ARHGAP20: variants seen among roughly 807,000 people sequenced by gnomAD.
The protein encoded by ARHGAP20 is rho GTPase-activating protein 20.
A neutral mutation model predicts 73.7 loss-of-function variants in ARHGAP20; 34 were observed. That is an observed-to-expected ratio of 0.46 (90% confidence interval 0.35 to 0.61). ARHGAP20 has a LOEUF of 0.61. Ranked by LOEUF, ARHGAP20 falls within the 20% of genes least tolerant of loss-of-function variation. ARHGAP20 has a pLI of 0.00. For synonymous variants in ARHGAP20, 523 were observed against 518.2 expected (o/e 1.01, Z -0.13); for missense variants, 1,314 against 1,420.9 (o/e 0.92, Z 1.21).
intron 2 of ARHGAP20, among the ~76,000 whole-genome samples, chr11:110,634,289 G>A (rs4938148): frequency 0.16 from 23,877 of 152,082 alleles, 2,318 homozygotes; most frequent in East Asian, 0.31. Flanking sequence ...TGTTTTTTTA[G>A]CAGCTGAACA....
rs143937766 is a variant in ARHGAP20, at chr11:110,579,733, T to A, written c.3213A>T (p.Leu1071Phe). The A allele has an allele frequency of 1.5e-4, 246 of 1,614,064 alleles. No individual in the cohort carries two copies. In the African/African-American group the frequency reaches 2.6e-3, roughly 17 times the overall value. Residue 1071 changes from leucine to phenylalanine, a missense_variant, in exon 15 of 15, where the codon TTA becomes TTT. Transcript: ENST00000683387. ...EEKIASPKGP[L>F]EPPPHASGVP... ...CACCAGAAGCATGTGGGGGTGGCTCTAAGGGTCCTTTTGGAGAAGCTATTT... is the reference window on the plus strand; with the variant it reads ...CACCAGAAGCATGTGGGGGTGGCTCAAAGGGTCCTTTTGGAGAAGCTATTT...
intron 2 of ARHGAP20, among the ~76,000 whole-genome samples, chr11:110,658,305 A>G (rs1949518797): frequency 6.6e-6 from 1 of 152,134 alleles, no homozygotes. Flanking sequence ...GTAGCACTAC[A>G]CATCCTCTGC....
At chr11:110,599,282 C>T (rs1565430929) in intron 9 of ARHGAP20, among the ~76,000 whole-genome samples, 2 of 152,246 alleles carry the variant, frequency 1.3e-5, no homozygotes, top group Non-Finnish European at 2.9e-5. Flanking sequence ...GCTGTCGGCA[C>T]CTGCTCTGAT....
At chr11:110,611,741 C>T (rs1413469388) in intron 6 of ARHGAP20, among the ~76,000 whole-genome samples, 1 of 152,108 alleles carries the variant, frequency 6.6e-6, no homozygotes. Flanking sequence ...AATTGTATTT[C>T]CATAAGGCAA....
chr11:110,698,018 T>C (rs35313126), intron 1 of ARHGAP20, among the ~76,000 whole-genome samples: 22,500 of 151,750 alleles, frequency 0.15, 1,763 homozygotes, highest in South Asian at 0.27. Context: ...TTGAATAGTA[T>C]GGGCATTTTA....
At chr11:110,705,644 A>G (rs1263788972) in intron 1 of ARHGAP20, among the ~76,000 whole-genome samples, 3 of 152,192 alleles carry the variant, frequency 2.0e-5, no homozygotes, top group Non-Finnish European at 2.9e-5. Context: ...AAAATGCACT[A>G]TGTAATCACA....
intron 2 of ARHGAP20, among the ~76,000 whole-genome samples, chr11:110,657,592 C>A (rs1315633622): frequency 1.3e-5 from 2 of 152,120 alleles, no homozygotes; most frequent in East Asian, 3.9e-4. Context: ...GGCAAACAGA[C>A]CTTAGAAATG....
At chr11:110,648,154 A>AAT (rs370220401) in intron 2 of ARHGAP20, among the ~76,000 whole-genome samples, 86 of 131,314 alleles carry the variant, frequency 6.5e-4, no homozygotes, top group Admixed American at 3.1e-3. Flanking sequence ...TGATATATAT[A>AAT]ATATATATAT....
Position 110,577,429 on chromosome 11 carries a change from C to T in ARHGAP20, c.*1941G>A. 1.8e-6 allele frequency: 2 copies of T among 1,091,194 alleles called. No individual in the cohort carries two copies. Among genetic ancestry groups the T allele is most frequent in the Non-Finnish European group, 2.2e-6 (2 of 899,774 alleles). 67.6% of individuals were successfully genotyped at this position (1,091,194 alleles called of 1,614,324 possible). A position where few individuals can be genotyped will look rare whatever the true frequency, so the allele number is the denominator to read the frequency against. On this transcript the variant is annotated 3_prime_UTR_variant, in exon 15 of 15. Transcript: ENST00000683387. ...AAAAAACCTCAGCAACTATTTTCTT[C>T]TATGCTTCAAATTGGGTGAATGATT...
At chr11:110,614,413 T>G in intron 6 of ARHGAP20, 148 bp downstream of exon 6, 1 of 643,520 alleles carries the variant, frequency 1.6e-6, no homozygotes, top group Non-Finnish European at 2.7e-6. Context: ...GGAAAATGCA[T>G]TTTCCCCCTG....
intron 1 of ARHGAP20, chr11:110,711,788 G>A (rs1950664191): frequency 3.0e-6 from 4 of 1,351,484 alleles, no homozygotes; most frequent in Non-Finnish European, 3.8e-6. Flanking sequence ...AGGGGTCGGG[G>A]AAAGGCGATC....
At chr11:110,711,683 C>T (rs1440818288) in intron 1 of ARHGAP20, 1 of 1,456,600 alleles carries the variant, frequency 6.9e-7, no homozygotes, top group East Asian at 2.9e-5. Context: ...CTGCCGCTCC[C>T]GGGCAGACAT....
chr11:110,601,478 G>C (rs902393749), intron 9 of ARHGAP20, among the ~76,000 whole-genome samples: 1 of 152,202 alleles, frequency 6.6e-6, no homozygotes, highest in Admixed American at 6.5e-5. Flanking sequence ...CTGTTATAAA[G>C]TCTGGTAGAA....
chr11:110,620,081 G>C (rs545442872), intron 4 of ARHGAP20, among the ~76,000 whole-genome samples: 1 of 152,152 alleles, frequency 6.6e-6, no homozygotes, highest in Non-Finnish European at 1.5e-5. Flanking sequence ...GCCCAGGTTG[G>C]AGTGTAGTAG....
intron 4 of ARHGAP20, among the ~76,000 whole-genome samples, chr11:110,622,043 T>C (rs1391101463): frequency 6.6e-6 from 1 of 152,228 alleles, no homozygotes; most frequent in African/African-American, 2.4e-5. Flanking sequence ...GGGCAGTGTT[T>C]ATACATAGAA....
In ARHGAP20 at chr11:110,629,005, T is replaced by A. The variant is rs181107138; in HGVS notation, c.353+1623A>T. Among the ~76,000 whole-genome samples, 234 of 152,292 alleles carry A rather than the reference T, an allele frequency of 1.5e-3. 1 individual carries two copies. Among genetic ancestry groups the A allele is most frequent in the African/African-American group, 5.3e-3 (219 of 41,562 alleles). On this transcript the variant is annotated intron_variant, in intron 3 of 14. Coordinates refer to ENST00000683387, the MANE Select transcript of ARHGAP20 (RefSeq NM_001384657.1). ...CAGGTAAAAAAACAAAGGTCCTCTA[T>A]TCTAGTTATCATTGTAACTGCTAAG...
intron 2 of ARHGAP20, among the ~76,000 whole-genome samples, chr11:110,678,731 G>C (rs1380534913): frequency 6.6e-6 from 1 of 152,040 alleles, no homozygotes; most frequent in East Asian, 1.9e-4. Context: ...GCACAATCAC[G>C]GCTCACTGCG....
chr11:110,631,164 T>C (rs940169462), intron 2 of ARHGAP20, among the ~76,000 whole-genome samples: 111 of 152,234 alleles, frequency 7.3e-4, no homozygotes, highest in Middle Eastern at 3.2e-3. Flanking sequence ...TATCATTAAC[T>C]AGAGTTCAAT....
intron 6 of ARHGAP20, among the ~76,000 whole-genome samples, chr11:110,612,064 A>G (rs1948378217): frequency 6.6e-6 from 1 of 152,208 alleles, no homozygotes; most frequent in African/African-American, 2.4e-5. Flanking sequence ...AATGAATACA[A>G]TATCTGTAAT....
Sources: allele counts gnomAD v4.1 joint callset (sites outside exome capture counted in the v4.1 genomes callset), GRCh38; gene constraint gnomAD v4.1.1; transcripts MANE v1.5; gene names NCBI Gene and HGNC (gene_info 2026-07-23, HGNC 2026-07-21).